COL22A1: variants seen among roughly 807,000 people sequenced by gnomAD.
The protein encoded by COL22A1 is collagen type XXII alpha 1 chain.
A neutral mutation model predicts 248.9 loss-of-function variants in COL22A1; 221 were observed. The ratio of observed to expected loss-of-function variants is 0.89; its 90% CI spans 0.80 to 0.99. COL22A1 has a LOEUF of 0.99. Ranked by LOEUF, COL22A1 falls within the 50% of genes least tolerant of loss-of-function variation. The pLI, the probability that COL22A1 is intolerant of heterozygous loss-of-function variation, is 0.00. For missense variants in COL22A1, 2,240 were observed against 2,179.0 expected (o/e 1.03, Z -0.56); for synonymous variants, 891 against 793.4 (o/e 1.12, Z -2.07).
At chr8:138,787,910 T>C (rs1005260108) in intron 12 of COL22A1, among the ~76,000 whole-genome samples, 3 of 152,248 alleles carry the variant, frequency 2.0e-5, no homozygotes, top group Non-Finnish European at 2.9e-5. Flanking sequence ...ATCATCCTTT[T>C]ACCTCATCAA....
intron 39 of COL22A1, among the ~76,000 whole-genome samples, chr8:138,682,103 T>C (rs956419757): frequency 2.0e-5 from 3 of 152,210 alleles, no homozygotes; most frequent in African/African-American, 7.2e-5. Flanking sequence ...TCTGCGTTTA[T>C]GTTGTTGAGA....
intron 3 of COL22A1, among the ~76,000 whole-genome samples, chr8:138,870,232 G>C (rs1397018283): frequency 6.6e-6 from 1 of 151,900 alleles, no homozygotes; most frequent in Admixed American, 6.6e-5. Flanking sequence ...GTAGGTGGGT[G>C]GGTGTGTCTA....
chr8:138,630,780 T>C (rs1403719615), intron 49 of COL22A1, 32 bp from the exon 50 acceptor site: 16 of 1,604,530 alleles, frequency 1.0e-5, no homozygotes, highest in Non-Finnish European at 1.4e-5. Flanking sequence ...GCTAGTTTCT[T>C]GTGCATCTAG....
rs536068417 is a variant in COL22A1 at position 138,800,593 on chromosome 8, T to G, written c.1557+2279A>C. 1.3e-3 allele frequency among the ~76,000 whole-genome samples: 194 copies of G among 152,342 alleles called. 1 individual carries two copies. The South Asian group carries it at 0.016, about 13-fold the overall frequency. On this transcript the variant is annotated intron_variant, in intron 11 of 64. Coordinates refer to ENST00000303045, the MANE Select transcript of COL22A1 (RefSeq NM_152888.3). ...AACCAAAATTTGAATGTAGGCTGCC[T>G]GATGCTAGTGCTGCTTCCTCAATCA...
chr8:138,901,245 A>T (rs1814526972), intron 1 of COL22A1, among the ~76,000 whole-genome samples: 1 of 151,600 alleles, frequency 6.6e-6, no homozygotes, highest in Admixed American at 6.6e-5. Context: ...GGGAAGGAGC[A>T]TTTTGGAAAG....
intron 3 of COL22A1, among the ~76,000 whole-genome samples, chr8:138,876,987 C>T (rs17740982): frequency 0.56 from 85,788 of 152,086 alleles, 25,924 homozygotes; most frequent in East Asian, 0.86. Flanking sequence ...CAGTCTGGAA[C>T]ATGAGAAACC....
chr8:138,821,459 G>C, intron 6 of COL22A1, 48 bp from the exon 7 acceptor site: 2 of 1,569,134 alleles, frequency 1.3e-6, no homozygotes, highest in East Asian at 4.5e-5. Context: ...GGGGCCAAGG[G>C]AAAAGGAGAG....
chr8:138,647,590 C>T (rs758471996), intron 46 of COL22A1, among the ~76,000 whole-genome samples: 1 of 152,136 alleles, frequency 6.6e-6, no homozygotes, highest in Non-Finnish European at 1.5e-5. Context: ...TTTATAGTTA[C>T]TTTCATAACC....
intron 22 of COL22A1, among the ~76,000 whole-genome samples, chr8:138,742,653 TGATGGTGATGGTGGTAGTGATCAC>T (rs1361982384): frequency 1.7e-4 from 25 of 151,482 alleles, no homozygotes; most frequent in African/African-American, 6.1e-4. Flanking sequence ...ATGGTGGAGT[TGATGGTGATGGTGGTAGTGATCAC>T]GATGGTGATG....
chr8:138,813,733 G>A (rs758201064), intron 7 of COL22A1, among the ~76,000 whole-genome samples: 5 of 150,792 alleles, frequency 3.3e-5, no homozygotes, highest in East Asian at 2.0e-4. Context: ...AAAGTCCAGC[G>A]TTTTGTTCTA....
intron 4 of COL22A1, among the ~76,000 whole-genome samples, chr8:138,836,810 T>C (rs981939256): frequency 6.6e-5 from 10 of 152,216 alleles, no homozygotes; most frequent in African/African-American, 2.4e-4. Flanking sequence ...TTAATTTGAA[T>C]GTGCAATTGT....
intron 22 of COL22A1, among the ~76,000 whole-genome samples, chr8:138,739,950 A>G (rs944117482): frequency 6.6e-6 from 1 of 152,226 alleles, no homozygotes; most frequent in East Asian, 1.9e-4. Context: ...ATGTGGTCAC[A>G]GATACCTTCA....
chr8:138,711,876 T>C (rs1484030719), intron 30 of COL22A1, among the ~76,000 whole-genome samples: 1 of 152,192 alleles, frequency 6.6e-6, no homozygotes, highest in Non-Finnish European at 1.5e-5. Context: ...GCGTGTGGCA[T>C]TCTGTGCTAA....
intron 1 of COL22A1, among the ~76,000 whole-genome samples, chr8:138,897,681 TA>T (rs769948385): frequency 2.0e-4 from 31 of 152,136 alleles, no homozygotes; most frequent in Admixed American, 8.5e-4. Context: ...ATATGTTTAA[TA>T]AAAACTCAGT....
In COL22A1 at chr8:138,767,359, C is replaced by T. The variant is rs528159388; in HGVS notation, c.1804-4893G>A. On this transcript the variant is annotated intron_variant, in intron 16 of 64. Coordinates refer to ENST00000303045, the MANE Select transcript of COL22A1 (RefSeq NM_152888.3). ...GACAGGTGCTGGGGACATAAGGGCC[C>T]GGAGAGCACTGAGTAAGGAGTAGCC... is the stretch of plus-strand genomic sequence containing the variant. Among the ~76,000 whole-genome samples the T allele has an allele frequency of 2.6e-4, 39 of 152,188 alleles. 1 individual carries two copies. The highest frequency in any genetic ancestry group is 1.4e-3 in the Admixed American group (22 of 15,288).
At chr8:138,686,504 C>G (rs1826365180) in intron 37 of COL22A1, among the ~76,000 whole-genome samples, 1 of 152,228 alleles carries the variant, frequency 6.6e-6, no homozygotes, top group African/African-American at 2.4e-5. Flanking sequence ...GGGCCTCTCT[C>G]CAAGCCTGGA....
intron 52 of COL22A1, 44 bp from the exon 53 acceptor site, chr8:138,619,552 A>G: frequency 3.2e-6 from 5 of 1,567,038 alleles, no homozygotes; most frequent in Non-Finnish European, 4.4e-6. Context: ...CAACATTGTA[A>G]GAATCTTCCT....
At chr8:138,768,957 C>A (rs752930080) in intron 16 of COL22A1, among the ~76,000 whole-genome samples, 4 of 151,892 alleles carry the variant, frequency 2.6e-5, no homozygotes, top group Non-Finnish European at 5.9e-5. Context: ...AAAGAGGATG[C>A]CATTACAACC....
Position 138,727,195 on chromosome 8 carries a change from C to T in COL22A1, c.2140-1755G>A, listed in dbSNP as rs542364869. 2.4e-3 allele frequency among the ~76,000 whole-genome samples: 362 copies of T among 152,308 alleles called. 3 individuals carry two copies. Among genetic ancestry groups the T allele is most frequent in the African/African-American group, 8.3e-3 (346 of 41,560 alleles). On this transcript the variant is annotated intron_variant, in intron 23 of 64. Coordinates refer to ENST00000303045, the MANE Select transcript of COL22A1 (RefSeq NM_152888.3). ...CCACGCCCTCCTCCCTCAGCTCCAG[C>T]ACCACAGCGTCCAGAAGGTGCAGAT...
Sources: allele counts gnomAD v4.1 joint callset (sites outside exome capture counted in the v4.1 genomes callset), GRCh38; gene constraint gnomAD v4.1.1; transcripts MANE v1.5; gene names NCBI Gene and HGNC (gene_info 2026-07-23, HGNC 2026-07-21).